Variants in PTPRZ1 observed in about 807,000 individuals in gnomAD.
PTPRZ1 encodes the protein receptor-type tyrosine-protein phosphatase zeta.
Under a neutral mutation model 214.1 loss-of-function variants are expected in PTPRZ1, and 82 were observed. The ratio of observed to expected loss-of-function variants is 0.38; its 90% confidence interval spans 0.32 to 0.46. The LOEUF (loss-of-function observed/expected upper bound fraction) is 0.46, where lower values mean the gene tolerates loss of function less well. Among genes scored for constraint, PTPRZ1 ranks in the 20% least tolerant of loss-of-function variants. The pLI, the probability that PTPRZ1 is intolerant of heterozygous loss-of-function variation, is 1.00. For missense variants in PTPRZ1, 2,603 were observed against 2,748.7 expected (o/e 0.95, Z 1.19); for synonymous variants, 945 against 987.9 (o/e 0.96, Z 0.81).
At chr7:121,987,799 A>T (rs561623025) in intron 8 of PTPRZ1, among the ~76,000 whole-genome samples, 6 of 152,290 alleles carry the variant, frequency 3.9e-5, no homozygotes, top group African/African-American at 9.6e-5. Flanking sequence ...GTGGTAGATT[A>T]AAAAAATGTA....
At chr7:121,959,092 G>A (rs565749759) in intron 2 of PTPRZ1, among the ~76,000 whole-genome samples, 5 of 152,222 alleles carry the variant, frequency 3.3e-5, no homozygotes, top group South Asian at 2.1e-4. Context: ...CAAAGTGCTG[G>A]GATTACAGGC....
chr7:122,059,747 TAC>T lies in PTPRZ1; in HGVS notation c.6672-4_6672-3del. Reference sequence around the variant, plus strand: ...CTTTGTTCCTTTTCTTTTTTTTTTTTACAAGGCATGGAGGAGTGACGGCAGGA... The same window carrying T: ...CTTTGTTCCTTTTCTTTTTTTTTTTTAAGGCATGGAGGAGTGACGGCAGGA... On this transcript the variant is annotated splice_region_variant and splice_polypyrimidine_tract_variant and intron_variant, in intron 28 of 29. Coordinates refer to ENST00000393386, the MANE Select transcript of PTPRZ1 (RefSeq NM_002851.3). The T allele has an allele frequency of 6.3e-7, 1 of 1,582,204 alleles. No individual in the cohort carries two copies. The highest frequency in any genetic ancestry group is 8.5e-7 in the Non-Finnish European group (1 of 1,171,394).
In PTPRZ1 at chr7:122,010,371, T is replaced by C. The variant is rs1798609097; in HGVS notation, c.1325T>C (p.Ile442Thr). The C allele has an allele frequency of 8.1e-6, 13 of 1,612,822 alleles. No homozygotes were observed. Among genetic ancestry groups the C allele is most frequent in the Non-Finnish European group, 1.1e-5 (13 of 1,179,578 alleles). Residue 442 changes from isoleucine (I) to threonine (T), a missense_variant, in exon 12 of 30, where the codon ATT becomes ACT. Around this residue, in one of 6 missense-constraint regions of PTPRZ1, gnomAD observed 1,913 missense variants for 1,914.3 expected, o/e 1.00. Coordinates refer to ENST00000393386, the MANE Select transcript of PTPRZ1 (RefSeq NM_002851.3). The part of the protein sequence containing the change: ...EEGKDIEEGA[I>T]VNPGRDSATN... The stretch of plus-strand genomic sequence containing the variant: ...GGAAAAGACATTGAAGAAGGCGCTA[T>C]TGTGAATCCTGGTAGAGACAGTGCT...
At chr7:121,888,756 G>A (rs950227086) in intron 1 of PTPRZ1, among the ~76,000 whole-genome samples, 1 of 152,152 alleles carries the variant, frequency 6.6e-6, no homozygotes, top group Non-Finnish European at 1.5e-5. Flanking sequence ...CAACACATCT[G>A]AGGAAAGTAA....
At chr7:122,040,242 G>A (rs926098415) in intron 20 of PTPRZ1, among the ~76,000 whole-genome samples, 22 of 152,138 alleles carry the variant, frequency 1.4e-4, no homozygotes, top group African/African-American at 2.9e-4. Flanking sequence ...GAAGAATAAC[G>A]TATTACTCAG....
intron 2 of PTPRZ1, among the ~76,000 whole-genome samples, chr7:121,943,749 G>A (rs1247191244): frequency 2.0e-5 from 3 of 152,182 alleles, no homozygotes; most frequent in Non-Finnish European, 2.9e-5. Context: ...TTCTGATTCA[G>A]TAAATCTGAG....
Position 121,901,314 on chromosome 7 carries a change from T to C in PTPRZ1, c.59-26842T>C, listed in dbSNP as rs374689406. Among the ~76,000 whole-genome samples, 19 of 152,266 alleles carry C rather than the reference T, an allele frequency of 1.2e-4. 1 individual carries two copies. In the East Asian group the frequency reaches 3.1e-3, roughly 25 times the overall value. On this transcript the variant is annotated intron_variant, in intron 1 of 29. Transcript: ENST00000393386. ...GGGATGAGGCAATGTTATGTAAAGT[T>C]CAGGAAAAATGTAATAAAAGCCAGA...
intron 14 of PTPRZ1, 50 bp from the exon 15 acceptor site, chr7:122,031,423 GT>G: frequency 7.6e-7 from 1 of 1,312,062 alleles, no homozygotes; most frequent in Non-Finnish European, 1.1e-6. Flanking sequence ...TGATAGGTAC[GT>G]TTATTTCTGT....
chr7:121,881,856 C>T (rs1437506713), intron 1 of PTPRZ1, among the ~76,000 whole-genome samples: 3 of 152,322 alleles, frequency 2.0e-5, no homozygotes, highest in South Asian at 4.1e-4. Flanking sequence ...GACACAAGCA[C>T]ATAATATCGT....
At position 122,016,640 on chromosome 7, in the gene PTPRZ1, A is replaced by G. The variant is rs571497368; in HGVS notation, c.4844-2484A>G. On this transcript the variant is annotated intron_variant, in intron 12 of 29. Transcript: ENST00000393386. ...GTGCATGTGTGTATACAGTGTCTGT[A>G]TATAAATATGTGTATATGGTATATT... Among the ~76,000 whole-genome samples, 75 of 152,042 alleles carry G rather than the reference A, an allele frequency of 4.9e-4. 2 individuals carry two copies. In the South Asian group the frequency reaches 0.015, roughly 31 times the overall value.
At chr7:121,874,234 A>T (rs1326830776) in intron 1 of PTPRZ1, among the ~76,000 whole-genome samples, 2 of 152,124 alleles carry the variant, frequency 1.3e-5, no homozygotes, top group Non-Finnish European at 2.9e-5. Context: ...CTGCAGGTTG[A>T]TATACTTATT....
chr7:121,901,767 G>A (rs562946756), intron 1 of PTPRZ1, among the ~76,000 whole-genome samples: 30 of 152,248 alleles, frequency 2.0e-4, no homozygotes, highest in African/African-American at 7.0e-4. Flanking sequence ...ACAATATGAT[G>A]TTTCAATACG....
intron 1 of PTPRZ1, among the ~76,000 whole-genome samples, chr7:121,903,643 G>A (rs1490973376): frequency 6.6e-6 from 1 of 152,078 alleles, no homozygotes; most frequent in Admixed American, 6.6e-5. Context: ...TCCTGCAATG[G>A]CATTCTTTGT....
At chr7:122,036,735 T>C (rs1448832116) in intron 18 of PTPRZ1, 53 bp downstream of exon 18, 6 of 1,248,836 alleles carry the variant, frequency 4.8e-6, no homozygotes, top group Non-Finnish European at 7.0e-6. Context: ...ACTGAATTAT[T>C]ATACCATAAT....
chr7:121,873,422 C>T lies in PTPRZ1; in HGVS notation c.-78C>T. ...GATTAAAACAAACAAACAAAAAAAA[C>T]ATTTCCTTCGCTCCCCCTCCCTCTC... On this transcript the variant is annotated 5_prime_UTR_variant, in exon 1 of 30. Coordinates refer to ENST00000393386, the MANE Select transcript of PTPRZ1 (RefSeq NM_002851.3). 6.9e-7 allele frequency: 1 copy of T among 1,453,934 alleles called. No individual in the cohort carries two copies. The highest frequency in any genetic ancestry group is 9.5e-7 in the Non-Finnish European group (1 of 1,054,952). The allele number at this position is 1,453,934 out of a possible 1,614,324, so 90.1% of individuals were successfully genotyped here.
intron 1 of PTPRZ1, among the ~76,000 whole-genome samples, chr7:121,874,922 G>T (rs1019451304): frequency 1.3e-5 from 2 of 151,890 alleles, no homozygotes; most frequent in African/African-American, 4.8e-5. Flanking sequence ...AACAAAGAAG[G>T]CAGGTCCTCT....
At chr7:122,005,251 ATTATT>A (rs1454042428) in intron 11 of PTPRZ1, among the ~76,000 whole-genome samples, 3 of 151,992 alleles carry the variant, frequency 2.0e-5, no homozygotes, top group Non-Finnish European at 4.4e-5. Flanking sequence ...AAATTTTAAC[ATTATT>A]TTATTTTTTT....
intron 14 of PTPRZ1, among the ~76,000 whole-genome samples, chr7:122,031,151 A>C (rs1169764058): frequency 6.6e-6 from 1 of 152,094 alleles, no homozygotes. Flanking sequence ...GGCATGTTAA[A>C]GAAAGTTGTC....
chr7:121,935,621 G>A (rs568966888), intron 2 of PTPRZ1, among the ~76,000 whole-genome samples: 11 of 152,188 alleles, frequency 7.2e-5, no homozygotes, highest in South Asian at 2.1e-4. Context: ...CTGGAGTGCA[G>A]TGGCGCAATC....
Sources: gnomAD v4.1 joint callset for allele counts (sites outside exome capture counted in the v4.1 genomes callset) on GRCh38, gnomAD v4.1.1 for gene constraint, gnomAD v4.1.1 regional missense constraint, MANE v1.5 for transcripts, NCBI Gene and HGNC (gene_info 2026-07-23, HGNC 2026-07-21) for gene names.